The following MEGF11 variants were observed in gnomAD, a reference collection of about 807,000 sequenced individuals.
MEGF11 encodes the protein multiple epidermal growth factor-like domains protein 11.
MEGF11 carries 126 observed loss-of-function variants against 146.6 expected under a neutral mutation model. The observed-to-expected ratio is 0.86, with a 90% confidence interval of 0.74 to 1.00. The LOEUF (loss-of-function observed/expected upper bound fraction) is 1.00. MEGF11 is among the 50% of genes least tolerant of loss of function. The pLI, the probability that MEGF11 is intolerant of heterozygous loss-of-function variation, is 0.00. For missense variants in MEGF11, 1,509 were observed against 1,521.2 expected, an observed-to-expected ratio of 0.99 and a Z score of 0.13; for synonymous variants, 532 against 583.4, an observed-to-expected ratio of 0.91 and a Z score of 1.27.
chr15:65,906,683 A>G (rs1055693784), intron 23 of MEGF11: 1 of 152,382 alleles, frequency 6.6e-6, no homozygotes, highest in Non-Finnish European at 1.5e-5. Flanking sequence ...GAGGGTAGCC[A>G]GAGAGAAACA....
At position 66,127,978 on chromosome 15, in the gene MEGF11, C is replaced by A. The variant is rs576199616; in HGVS notation, c.98+328G>T. 9.8e-5 allele frequency among the ~76,000 whole-genome samples: 15 copies of A among 152,344 alleles called. No homozygotes were observed. In the East Asian group the frequency reaches 2.7e-3, roughly 27 times the overall value. Reference sequence around the variant, plus strand: ...CCTGGGACCAAAGTCCGCATCCCCCCACTTACTGCACCCCATCTGGCTGTG... The same window carrying A: ...CCTGGGACCAAAGTCCGCATCCCCCAACTTACTGCACCCCATCTGGCTGTG... On this transcript the variant is annotated intron_variant, in intron 2 of 25. Coordinates refer to ENST00000395614, the MANE Select transcript of MEGF11 (RefSeq NM_001385028.1).
chr15:66,139,815 C>T (rs1212401046), intron 1 of MEGF11, among the ~76,000 whole-genome samples: 1 of 152,112 alleles, frequency 6.6e-6, no homozygotes, highest in Non-Finnish European at 1.5e-5. Flanking sequence ...GGAAGAATGC[C>T]GACCAAGGCA....
At chr15:66,139,046 C>T (rs1013540588) in intron 1 of MEGF11, among the ~76,000 whole-genome samples, 3 of 152,202 alleles carry the variant, frequency 2.0e-5, no homozygotes, top group Admixed American at 2.0e-4. Flanking sequence ...CCAGCCCAGG[C>T]CCTGCTGACT....
At chr15:66,162,222 T>G (rs1338393137) in intron 1 of MEGF11, among the ~76,000 whole-genome samples, 1 of 152,136 alleles carries the variant, frequency 6.6e-6, no homozygotes, top group Admixed American at 6.5e-5. Context: ...TTGGGGACAA[T>G]CAGGCAATTT....
intron 1 of MEGF11, among the ~76,000 whole-genome samples, chr15:66,202,244 G>T (rs1034405378): frequency 1.3e-5 from 2 of 152,014 alleles, no homozygotes; most frequent in Admixed American, 6.5e-5. Context: ...AACCCCAAAT[G>T]CGTACACACA....
intron 10 of MEGF11, among the ~76,000 whole-genome samples, chr15:65,941,697 T>C (rs1284021510): frequency 6.6e-6 from 1 of 152,262 alleles, no homozygotes. Flanking sequence ...CATTACTGGC[T>C]AATATGGACT....
chr15:65,901,756 GAAT>G (rs1302925037), intron 24 of MEGF11: 2 of 152,008 alleles, frequency 1.3e-5, no homozygotes, highest in Non-Finnish European at 2.9e-5. Flanking sequence ...AACATGTGAG[GAAT>G]AACCACTTTA....
At chr15:65,963,258 G>T (rs1401301262) in intron 9 of MEGF11, among the ~76,000 whole-genome samples, 2 of 152,164 alleles carry the variant, frequency 1.3e-5, no homozygotes, top group Non-Finnish European at 2.9e-5. Context: ...AGCCATATGA[G>T]ATTTCTGTAA....
chr15:65,986,742 T>C (rs1237743801), intron 5 of MEGF11, among the ~76,000 whole-genome samples: 1 of 152,144 alleles, frequency 6.6e-6, no homozygotes, highest in Non-Finnish European at 1.5e-5. Flanking sequence ...ATTTCTTTTT[T>C]TCTGTCCCAG....
chr15:66,212,863 C>T (rs562162597), intron 1 of MEGF11, among the ~76,000 whole-genome samples: 78 of 152,364 alleles, frequency 5.1e-4, no homozygotes, highest in African/African-American at 1.8e-3. Flanking sequence ...TTACCTTAAA[C>T]CACGGAACAC....
chr15:66,100,194 C>T (rs1305174163), intron 4 of MEGF11, among the ~76,000 whole-genome samples: 1 of 152,218 alleles, frequency 6.6e-6, no homozygotes, highest in Non-Finnish European at 1.5e-5. Context: ...CGGGCACCTC[C>T]TGTGGGCTGG....
chr15:65,904,334 A>G (rs1236696683), intron 24 of MEGF11, among the ~76,000 whole-genome samples: 2 of 152,190 alleles, frequency 1.3e-5, no homozygotes, highest in Admixed American at 6.5e-5. Context: ...AGCCTTACCT[A>G]CTGTTCCTCA....
chr15:66,018,050 G>C (rs1320921502), intron 5 of MEGF11, among the ~76,000 whole-genome samples: 1 of 152,222 alleles, frequency 6.6e-6, no homozygotes, highest in Non-Finnish European at 1.5e-5. Context: ...AGGGAGCGGG[G>C]AGGAAGGGCA....
chr15:66,227,918 C>T (rs2091887179), intron 1 of MEGF11, among the ~76,000 whole-genome samples: 1 of 152,172 alleles, frequency 6.6e-6, no homozygotes, highest in African/African-American at 2.4e-5. Context: ...CGTCAGACTC[C>T]ACCACCTCCC....
intron 1 of MEGF11, among the ~76,000 whole-genome samples, chr15:66,181,952 C>T (rs1229211272): frequency 6.6e-6 from 1 of 152,190 alleles, no homozygotes; most frequent in Non-Finnish European, 1.5e-5. Context: ...GGGCAACCAG[C>T]CAGACCTTCT....
chr15:66,106,080 G>T (rs1164635930), intron 4 of MEGF11, among the ~76,000 whole-genome samples: 1 of 152,162 alleles, frequency 6.6e-6, no homozygotes, highest in East Asian at 1.9e-4. Context: ...GTGTCATTTG[G>T]CTCCCCTTCC....
At chr15:66,002,282 G>A (rs184898187) in intron 5 of MEGF11, among the ~76,000 whole-genome samples, 8 of 152,254 alleles carry the variant, frequency 5.3e-5, no homozygotes, top group African/African-American at 1.4e-4. Context: ...ACTCAGGCTC[G>A]AGAGAGAGAA....
At chr15:65,981,139 G>GAA (rs3985653) in intron 6 of MEGF11, among the ~76,000 whole-genome samples, 16,601 of 152,268 alleles carry the variant, frequency 0.11, 1,148 homozygotes, top group Middle Eastern at 0.2. Context: ...TTAGTGTACA[G>GAA]AAGAGTATTC....
chr15:65,955,755 AAAAAAAATATATATAT>A (rs1463453739), intron 10 of MEGF11, among the ~76,000 whole-genome samples: 1 of 13,842 alleles, frequency 7.2e-5, no homozygotes, highest in African/African-American at 1.6e-4. Context: ...AAAAAAAAAA[AAAAAAAATATATATAT>A]ATATATATAT....
Sources: allele counts gnomAD v4.1 joint callset (sites outside exome capture counted in the v4.1 genomes callset), GRCh38; gene constraint gnomAD v4.1.1; transcripts MANE v1.5; gene names NCBI Gene and HGNC (gene_info 2026-07-23, HGNC 2026-07-21).